Variants in TIAM1 observed in about 807,000 individuals in gnomAD.
TIAM1 encodes the protein rho guanine nucleotide exchange factor TIAM1.
Under a neutral mutation model 163.5 loss-of-function variants are expected in TIAM1, and 65 were observed. The ratio of observed to expected loss-of-function variants is 0.40; its 90% confidence interval spans 0.33 to 0.49. The LOEUF (loss-of-function observed/expected upper bound fraction) is 0.49, where lower values mean the gene tolerates loss of function less well. TIAM1 is among the 20% of genes least tolerant of loss of function. TIAM1 has a pLI of 0.77. For synonymous variants in TIAM1, 833 were observed against 810.1 expected (o/e 1.03, Z -0.48); for missense variants, 1,789 against 2,044.7 (o/e 0.87, Z 2.41).
At chr21:31,518,127 C>T (rs1035281790) in intron 1 of TIAM1, among the ~76,000 whole-genome samples, 1 of 152,176 alleles carries the variant, frequency 6.6e-6, no homozygotes, top group Non-Finnish European at 1.5e-5. Context: ...GGAAAAAGAT[C>T]TCCCTCTCTC....
chr21:31,174,477 G>C (rs2084669673), intron 15 of TIAM1, among the ~76,000 whole-genome samples: 1 of 152,176 alleles, frequency 6.6e-6, no homozygotes, highest in Admixed American at 6.5e-5. Context: ...CAAAGGATCT[G>C]ACTCTGCAAC....
intron 3 of TIAM1, 52 bp from the exon 4 acceptor site, chr21:31,267,035 A>G: frequency 6.6e-7 from 1 of 1,521,842 alleles, no homozygotes; most frequent in East Asian, 2.3e-5. Flanking sequence ...TAGTACAGGT[A>G]TAGGCATCTT....
chr21:31,252,247 G>A (rs2071854453), intron 4 of TIAM1, 58 bp from the exon 5 acceptor site: 1 of 1,547,028 alleles, frequency 6.5e-7, no homozygotes, highest in Non-Finnish European at 8.7e-7. Flanking sequence ...AGGAACCCAG[G>A]GTCACGTGGA....
chr21:31,460,058 A>C (rs2045266500), intron 2 of TIAM1, among the ~76,000 whole-genome samples: 2 of 152,062 alleles, frequency 1.3e-5, no homozygotes, highest in African/African-American at 4.8e-5. Context: ...TGCACCAAGG[A>C]AGCTCCTCTG....
chr21:31,210,701 GAAAGAGAAAGAAAGAGAA>G (rs2086789331), intron 10 of TIAM1, among the ~76,000 whole-genome samples: 1 of 101,216 alleles, frequency 9.9e-6, no homozygotes, highest in Non-Finnish European at 1.8e-5. Context: ...AAGAAAGAAA[GAAAGAGAAAGAAAGAGAA>G]AGAAAGAAAG....
intron 6 of TIAM1, among the ~76,000 whole-genome samples, chr21:31,228,213 CTT>C (rs1224052189): frequency 5.8e-3 from 128 of 22,220 alleles, no homozygotes; most frequent in Non-Finnish European, 7.7e-3. Flanking sequence ...GCCCGGCCTC[CTT>C]TTTTTAAAAA....
intron 6 of TIAM1, among the ~76,000 whole-genome samples, 180 bp from the exon 7 acceptor site, chr21:31,226,130 A>G (rs2087957815): frequency 6.6e-6 from 1 of 152,204 alleles, no homozygotes; most frequent in Admixed American, 6.5e-5. Flanking sequence ...AGTGAGTCTC[A>G]GGTCAGATGC....
chr21:31,323,244 C>T (rs887145101), intron 2 of TIAM1, among the ~76,000 whole-genome samples: 62 of 150,140 alleles, frequency 4.1e-4, no homozygotes, highest in African/African-American at 1.5e-3. Flanking sequence ...GCCAAGATCA[C>T]GCCACTGTAC....
At chr21:31,481,726 AGCTCCCACACCCT>A (rs2046114584) in intron 1 of TIAM1, among the ~76,000 whole-genome samples, 1 of 152,168 alleles carries the variant, frequency 6.6e-6, no homozygotes, top group Non-Finnish European at 1.5e-5. Flanking sequence ...GAGAGCACCC[AGCTCCCACACCCT>A]CTCTGGAAAC....
At chr21:31,382,566 C>T (rs536419) in intron 2 of TIAM1, among the ~76,000 whole-genome samples, 103,995 of 152,080 alleles carry the variant, frequency 0.68, 36,265 homozygotes, top group African/African-American at 0.83. Context: ...GAAAGACTGA[C>T]TACCTCCAAT....
intron 4 of TIAM1, among the ~76,000 whole-genome samples, chr21:31,260,241 T>C (rs1345930308): frequency 2.1e-5 from 3 of 142,432 alleles, no homozygotes; most frequent in Non-Finnish European, 3.0e-5. Flanking sequence ...TACACATATA[T>C]ACTTTTTTTT....
chr21:31,308,972 G>T (rs192104156), intron 2 of TIAM1, among the ~76,000 whole-genome samples: 1 of 152,028 alleles, frequency 6.6e-6, no homozygotes, highest in Non-Finnish European at 1.5e-5. Flanking sequence ...GCAACTATAG[G>T]AAGCAAATGC....
intron 2 of TIAM1, among the ~76,000 whole-genome samples, chr21:31,336,231 C>A (rs2075834658): frequency 6.6e-6 from 1 of 152,154 alleles, no homozygotes; most frequent in South Asian, 2.1e-4. Flanking sequence ...CGAATGGGGA[C>A]AAAAGATGCT....
chr21:31,210,621 GAA>G lies in TIAM1; in HGVS notation c.2218-408_2218-407del, dbSNP rs1569031697. On this transcript the variant is annotated intron_variant, in intron 10 of 27. Coordinates refer to ENST00000541036, the MANE Select transcript of TIAM1 (RefSeq NM_001353694.2). ...GAGAAAGAAGGAAGGAAGGGAGAAA[GAA>G]AGAAAGAAAGAAAGAAAGAAAGAAA... 8.8e-3 allele frequency among the ~76,000 whole-genome samples: 117 copies of G among 13,280 alleles called. 2 individuals are homozygous for G. Among genetic ancestry groups the G allele is most frequent in the South Asian group, 0.03 (10 of 334 alleles). 8.7% of individuals were successfully genotyped at this position (13,280 alleles called of 152,430 possible). A position where few individuals can be genotyped will look rare whatever the true frequency, so the allele number is the denominator to read the frequency against.
At chr21:31,195,462 A>G (rs1017805941) in intron 12 of TIAM1, among the ~76,000 whole-genome samples, 157 bp from the exon 13 acceptor site, 3 of 152,236 alleles carry the variant, frequency 2.0e-5, no homozygotes, top group African/African-American at 7.2e-5. Flanking sequence ...AGTAAAAAGT[A>G]AAAGTAAAAA....
intron 1 of TIAM1, among the ~76,000 whole-genome samples, chr21:31,516,511 C>T (rs1465977900): frequency 6.6e-6 from 1 of 152,130 alleles, no homozygotes; most frequent in African/African-American, 2.4e-5. Flanking sequence ...TCCATCAGGA[C>T]AGCAGAGTTG....
chr21:31,135,911 A>G, intron 23 of TIAM1, 22 bp downstream of exon 23: 1 of 1,607,646 alleles, frequency 6.2e-7, no homozygotes, highest in Non-Finnish European at 8.5e-7. Context: ...CCCCCTCCAT[A>G]AAACGCTTTT....
chr21:31,216,786 A>G (rs2086590688), intron 9 of TIAM1, among the ~76,000 whole-genome samples: 1 of 152,108 alleles, frequency 6.6e-6, no homozygotes, highest in Admixed American at 6.6e-5. Context: ...GCTCTCTCGG[A>G]TTCCTGTCTC....
rs551647763 is a variant in TIAM1 at position 31,364,273 on chromosome 21, C to T, written c.-368-24851G>A. 2.0e-4 allele frequency among the ~76,000 whole-genome samples: 30 copies of T among 152,206 alleles called. No homozygotes were observed. The South Asian group carries it at 5.2e-3, about 26-fold the overall frequency. On this transcript the variant is annotated intron_variant, in intron 2 of 28. Coordinates refer to the TIAM1 transcript ENST00000286827. ...TGGGCCACCAAAAATAAAAAGCATCCCAGGTGGAGTAAACTTGTTAACCAA... is the reference window on the plus strand; with the variant it reads ...TGGGCCACCAAAAATAAAAAGCATCTCAGGTGGAGTAAACTTGTTAACCAA...
Sources: gnomAD v4.1 joint callset for allele counts (sites outside exome capture counted in the v4.1 genomes callset) on GRCh38, gnomAD v4.1.1 for gene constraint, MANE v1.5 for transcripts, NCBI Gene and HGNC (gene_info 2026-07-23, HGNC 2026-07-21) for gene names.